Variants in HGD observed in about 807,000 individuals in gnomAD.
HGD encodes homogentisate oxidase.
Under a neutral mutation model 60.8 loss-of-function variants are expected in HGD, and 61 were observed. That is an observed-to-expected ratio of 1.00 (90% CI 0.82 to 1.24). The LOEUF is 1.24. Among genes scored for constraint, HGD ranks in the 50% most tolerant of loss-of-function variants. The probability of loss-of-function intolerance (pLI) is 0.00; values close to 1 mark genes in which losing one functional copy is unlikely to be tolerated. For synonymous variants in HGD, 212 were observed against 187.7 expected (o/e 1.13, Z -1.06); for missense variants, 542 against 547.1 (o/e 0.99, Z 0.09).
chr3:120,653,364 C>T (rs977179407), intron 4 of HGD, among the ~76,000 whole-genome samples: 1 of 152,302 alleles, frequency 6.6e-6, no homozygotes, highest in East Asian at 1.9e-4. Context: ...TGGCAGCAGG[C>T]CTGACTTATC....
chr3:120,635,301 C>T (rs1440003283), intron 12 of HGD, among the ~76,000 whole-genome samples: 1 of 151,858 alleles, frequency 6.6e-6, no homozygotes, highest in East Asian at 1.9e-4. Flanking sequence ...CATGGTGAAA[C>T]CTCGTCTCTA....
At position 120,681,990 on chromosome 3, in the gene HGD, C is replaced by T. The variant is rs1708237886; in HGVS notation, c.15+107G>A. ...AAGCCTCTGAACACAGGGGTTTGAACCAGGGCCTCTCTAAGTCTTTTCCAA... is the reference window on the plus strand; with the variant it reads ...AAGCCTCTGAACACAGGGGTTTGAATCAGGGCCTCTCTAAGTCTTTTCCAA... On this transcript the variant is annotated intron_variant, in intron 1 of 13. Coordinates refer to ENST00000283871, the MANE Select transcript of HGD (RefSeq NM_000187.4). 5 of 1,022,230 alleles carry T rather than the reference C, an allele frequency of 4.9e-6. No homozygotes were observed. In the African/African-American group the frequency reaches 6.3e-5, roughly 13 times the overall value. The allele number at this position is 1,022,230 out of a possible 1,614,324, so 63.3% of individuals were successfully genotyped here.
intron 1 of HGD, chr3:120,677,958 TG>T (rs1384283715): frequency 1.3e-5 from 2 of 152,212 alleles, no homozygotes; most frequent in African/African-American, 4.8e-5. Flanking sequence ...GTAACAAGCC[TG>T]GATGTGTGAG....
chr3:120,646,883 A>C, intron 8 of HGD, 90 bp downstream of exon 8: 2 of 1,066,798 alleles, frequency 1.9e-6, no homozygotes, highest in South Asian at 2.5e-5. Context: ...ATGACAGAGA[A>C]ATTTTAGAGT....
chr3:120,662,614 A>G (rs1260513447), intron 4 of HGD, among the ~76,000 whole-genome samples: 1 of 152,188 alleles, frequency 6.6e-6, no homozygotes, highest in Non-Finnish European at 1.5e-5. Context: ...CACCTGATTC[A>G]GTGTAGTGAG....
chr3:120,638,354 G>T, intron 12 of HGD, 101 bp downstream of exon 12: 3 of 1,386,368 alleles, frequency 2.2e-6, no homozygotes, highest in Non-Finnish European at 3.1e-6. Context: ...ATGCCATGGT[G>T]GGTGTCCAGA....
intron 3 of HGD, 154 bp downstream of exon 3, chr3:120,674,747 G>A: frequency 1.5e-6 from 1 of 656,544 alleles, no homozygotes; most frequent in Non-Finnish European, 2.8e-6. Context: ...CTGGCAGGAA[G>A]TTCATTCTCT....
chr3:120,662,998 C>G (rs1034785074), intron 4 of HGD, among the ~76,000 whole-genome samples: 2 of 151,968 alleles, frequency 1.3e-5, no homozygotes, highest in Admixed American at 6.6e-5. Context: ...ATGTGAGGAG[C>G]CAAGGAGAAG....
In HGD at chr3:120,674,959, A is replaced by G; in HGVS notation, c.118T>C (p.Tyr40His). 2.5e-6 allele frequency: 4 copies of G among 1,611,096 alleles called. No individual in the cohort carries two copies. Among genetic ancestry groups the G allele is most frequent in the Non-Finnish European group, 3.4e-6 (4 of 1,177,560 alleles). ...NNPQVCPYNLYAEQLSGSAFT... is the reference protein window; with the variant it reads ...NNPQVCPYNLHAEQLSGSAFT... ...GCCGATCCTGAGAGCTGCTCAGCAT[A>G]GAGATTGTAGGGGCAGACCTGAGGA... Residue 40 changes from tyrosine (Y) to histidine (H), a missense_variant, in exon 3 of 14, where the codon TAT (tyrosine) becomes CAT (histidine). Around this residue, in one of 2 missense-constraint regions of HGD, gnomAD observed 537 missense variants for 529.1 expected, o/e 1.01. Coordinates refer to ENST00000283871, the MANE Select transcript of HGD (RefSeq NM_000187.4).
chr3:120,630,204 G>A (rs1370325914), intron 13 of HGD, among the ~76,000 whole-genome samples: 2 of 152,122 alleles, frequency 1.3e-5, no homozygotes, highest in Admixed American at 6.6e-5. Context: ...ACTATCCAAA[G>A]CAATGTAAAG....
rs775087041 is a variant in HGD, at chr3:120,682,124, C to G, written c.-13G>C. On this transcript the variant is annotated 5_prime_UTR_variant, in exon 1 of 14. Coordinates refer to ENST00000283871, the MANE Select transcript of HGD (RefSeq NM_000187.4). ...TTAACTCAGCCATTTTCTCTCTCCTCTATGTGTGGTGACTTCAGGAAACCC... is the reference window on the plus strand; with the variant it reads ...TTAACTCAGCCATTTTCTCTCTCCTGTATGTGTGGTGACTTCAGGAAACCC... The G allele has an allele frequency of 2.7e-5, 43 of 1,613,752 alleles. No homozygotes were observed. The highest frequency in any genetic ancestry group is 3.3e-5 in the Non-Finnish European group (39 of 1,179,778).
chr3:120,666,610 GT>G (rs1467997952), intron 4 of HGD, among the ~76,000 whole-genome samples: 1 of 152,110 alleles, frequency 6.6e-6, no homozygotes, highest in African/African-American at 2.4e-5. Flanking sequence ...AGCCTCCCGA[GT>G]AGTTGGGAAT....
At chr3:120,672,384 G>A (rs970857699) in intron 3 of HGD, among the ~76,000 whole-genome samples, 10 of 152,136 alleles carry the variant, frequency 6.6e-5, no homozygotes, top group African/African-American at 2.4e-4. Flanking sequence ...AGCTCACTAA[G>A]AGGGACCCAA....
intron 4 of HGD, among the ~76,000 whole-genome samples, chr3:120,653,781 A>G (rs965610559): frequency 2.6e-5 from 4 of 152,186 alleles, no homozygotes; most frequent in African/African-American, 9.7e-5. Flanking sequence ...GGGGGACCTG[A>G]GGGCAAGGAT....
At position 120,628,462 on chromosome 3, in the gene HGD, A is replaced by C. The variant is rs771123717; in HGVS notation, c.1256T>G (p.Leu419Trp). 1 of 1,614,092 alleles carries C rather than the reference A, an allele frequency of 6.2e-7. No individual in the cohort carries two copies. The highest frequency in any genetic ancestry group is 8.5e-7 in the Non-Finnish European group (1 of 1,179,966). The change falls in exon 14 of 14, where the codon TTG becomes TGG. Residue 419 changes from leucine to tryptophan, a missense_variant. By Grantham distance (61) the Leu-to-Trp change is moderately conservative (BLOSUM62 -2). Transcript: ENST00000283871. ...TKWGLKASRCLDENYHKCWEP... is the reference protein window; with the variant it reads ...TKWGLKASRCWDENYHKCWEP... The stretch of plus-strand genomic sequence containing the variant: ...CCAGCACTTGTGGTAGTTCTCATCC[A>C]AACACCTGGAGGCCTTGAGTCCCCA...
intron 4 of HGD, among the ~76,000 whole-genome samples, chr3:120,659,939 A>C (rs575949160): frequency 4.2e-5 from 4 of 96,378 alleles, no homozygotes; most frequent in Non-Finnish European, 9.8e-5. Flanking sequence ...GGAGCAAGAG[A>C]GAGTGGGGGG....
At chr3:120,672,850 A>G (rs1424593834) in intron 3 of HGD, among the ~76,000 whole-genome samples, 1 of 152,228 alleles carries the variant, frequency 6.6e-6, no homozygotes, top group South Asian at 2.1e-4. Context: ...AATCTTCTGA[A>G]TTTTTATCAC....
intron 9 of HGD, 151 bp downstream of exon 9, chr3:120,646,116 T>C (rs1026935635): frequency 2.9e-6 from 2 of 692,572 alleles, no homozygotes; most frequent in African/African-American, 1.8e-5. Context: ...ATATATTTTC[T>C]GGGAAGACAC....
In HGD at chr3:120,633,080, C is replaced by T. The variant is rs1039368202; in HGVS notation, c.1188+67G>A. The T allele has an allele frequency of 2.5e-4, 357 of 1,424,824 alleles. 1 individual carries two copies. The Middle Eastern group carries it at 2.6e-3, about 10-fold the overall frequency. 88.3% of individuals were successfully genotyped at this position (1,424,824 alleles called of 1,614,324 possible). On this transcript the variant is annotated intron_variant, in intron 13 of 13. Transcript: ENST00000283871. The stretch of plus-strand genomic sequence containing the variant: ...TCTGTGACTTTGGAGAAATGAAAAA[C>T]GGCCACCCCTCTCAGTAAGGGTGGG...
Sources: allele counts gnomAD v4.1 joint callset (sites outside exome capture counted in the v4.1 genomes callset), GRCh38; gene constraint gnomAD v4.1.1; regional missense constraint gnomAD v4.1.1; transcripts MANE v1.5; gene names NCBI Gene and HGNC (gene_info 2026-07-23, HGNC 2026-07-21).